The following EPHB1 variants were observed in gnomAD, a reference collection of about 807,000 sequenced individuals.
EPHB1 encodes the protein ephrin type-B receptor 1.
Under a neutral mutation model 94.4 loss-of-function variants are expected in EPHB1, and 30 were observed. The ratio of observed to expected loss-of-function variants is 0.32; its 90% CI spans 0.24 to 0.43. EPHB1 has a LOEUF of 0.43. Among genes scored for constraint, EPHB1 ranks in the 20% least tolerant of loss-of-function variants. EPHB1 has a pLI of 1.00. For missense variants in EPHB1, 1,055 were observed against 1,308.3 expected (o/e 0.81, Z 2.99); for synonymous variants, 522 against 489.1 (o/e 1.07, Z -0.89).
At chr3:135,161,211 C>T (rs965352341) in intron 6 of EPHB1, among the ~76,000 whole-genome samples, 4 of 152,094 alleles carry the variant, frequency 2.6e-5, no homozygotes, top group African/African-American at 7.2e-5. Flanking sequence ...CTCTGCACAT[C>T]AGAGGACCCA....
At position 134,896,593 on chromosome 3, in the gene EPHB1, G is replaced by C. The variant is rs147751994; in HGVS notation, c.59-29223G>C. ...TGATGATTTCCTCTGCCAAGGGCCT[G>C]CTCCTTCATCGATGGCCCCACTAAG... On this transcript the variant is annotated intron_variant, in intron 1 of 15. Transcript: ENST00000398015. Among the ~76,000 whole-genome samples, 162 of 152,320 alleles carry C rather than the reference G, an allele frequency of 1.1e-3. 1 individual carries two copies. Among genetic ancestry groups the C allele is most frequent in the African/African-American group, 3.7e-3 (155 of 41,566 alleles).
intron 3 of EPHB1, among the ~76,000 whole-genome samples, chr3:135,065,982 TC>T (rs1937575658): frequency 6.6e-6 from 1 of 152,212 alleles, no homozygotes; most frequent in South Asian, 2.1e-4. Flanking sequence ...GATACAAAAT[TC>T]TTGGGTGATA....
intron 3 of EPHB1, among the ~76,000 whole-genome samples, chr3:134,992,040 C>CT (rs368141172): frequency 7.2e-5 from 11 of 152,056 alleles, no homozygotes. Context: ...TCAGCCCCCA[C>CT]TTTTTTTTAG....
At position 134,994,828 on chromosome 3, in the gene EPHB1, A is replaced by G. The variant is rs373542727; in HGVS notation, c.805+42776A>G. Among the ~76,000 whole-genome samples the G allele has an allele frequency of 1.2e-3, 188 of 152,350 alleles. 2 individuals are homozygous for G. Among genetic ancestry groups the G allele is most frequent in the African/African-American group, 4.4e-3 (183 of 41,578 alleles). On this transcript the variant is annotated intron_variant, in intron 3 of 15. Transcript: ENST00000398015. Reference sequence around the variant, plus strand: ...TTTATTGAGATAATTATGTATTCTCACGAAGTTTTAAGAAATATTAAGAAA... The same window carrying G: ...TTTATTGAGATAATTATGTATTCTCGCGAAGTTTTAAGAAATATTAAGAAA...
At chr3:134,924,322 A>G (rs1355253171) in intron 1 of EPHB1, among the ~76,000 whole-genome samples, 3 of 152,226 alleles carry the variant, frequency 2.0e-5, no homozygotes, top group Non-Finnish European at 4.4e-5. Context: ...ACAGACTGGG[A>G]GAAAATATTT....
intron 1 of EPHB1, among the ~76,000 whole-genome samples, chr3:134,839,246 A>C (rs2036733435): frequency 6.6e-6 from 1 of 152,118 alleles, no homozygotes; most frequent in African/African-American, 2.4e-5. Flanking sequence ...GCAGAGTCCT[A>C]AGTGTGCATA....
At chr3:135,152,292 C>T (rs1402322840) in intron 5 of EPHB1, among the ~76,000 whole-genome samples, 2 of 152,168 alleles carry the variant, frequency 1.3e-5, no homozygotes, top group African/African-American at 2.4e-5. Flanking sequence ...AAGAAGATAA[C>T]TTTCAAATAA....
intron 3 of EPHB1, among the ~76,000 whole-genome samples, chr3:135,026,585 G>A (rs1410384082): frequency 5.7e-5 from 8 of 141,208 alleles, no homozygotes; most frequent in Admixed American, 5.7e-4. Flanking sequence ...CTCTGTTTTG[G>A]TACCAGTACC....
At chr3:134,963,173 CCTTCCTTCCTT>C (rs1933596410) in intron 3 of EPHB1, among the ~76,000 whole-genome samples, 1 of 138,704 alleles carries the variant, frequency 7.2e-6, no homozygotes. Context: ...TTCCTTCCTT[CCTTCCTTCCTT>C]CTTCCTTCTT....
chr3:135,222,054 A>C (rs1158277533), intron 12 of EPHB1, among the ~76,000 whole-genome samples: 1 of 152,248 alleles, frequency 6.6e-6, no homozygotes, highest in Non-Finnish European at 1.5e-5. Flanking sequence ...CAAAGAGCAC[A>C]AGCTTGGATA....
intron 1 of EPHB1, among the ~76,000 whole-genome samples, chr3:134,843,584 T>C (rs2036815134): frequency 6.6e-6 from 1 of 152,120 alleles, no homozygotes; most frequent in South Asian, 2.1e-4. Context: ...AATCTTCTTC[T>C]CTGTTCTTTG....
chr3:135,105,889 A>G (rs1017437373), intron 3 of EPHB1, among the ~76,000 whole-genome samples: 2 of 152,208 alleles, frequency 1.3e-5, no homozygotes, highest in African/African-American at 2.4e-5. Context: ...TTAAAGAATC[A>G]CTTATGAATT....
chr3:135,207,447 T>TGG (rs10662148), intron 12 of EPHB1, among the ~76,000 whole-genome samples: 116,229 of 144,490 alleles, frequency 0.8, 44,557 homozygotes, highest in South Asian at 0.85. Flanking sequence ...GGCCACAAGC[T>TGG]GGGGACATAA....
At position 134,997,789 on chromosome 3, in the gene EPHB1, A is replaced by G. The variant is rs192227322; in HGVS notation, c.805+45737A>G. ...TCCTGAAAAAGCAAACAGTTTCCTG[A>G]ATTTTTCTTCTCAATTCTGCAGTAT... On this transcript the variant is annotated intron_variant, in intron 3 of 15. Coordinates refer to ENST00000398015, the MANE Select transcript of EPHB1 (RefSeq NM_004441.5). 3.9e-5 allele frequency among the ~76,000 whole-genome samples: 6 copies of G among 152,270 alleles called. No individual in the cohort carries two copies. The East Asian group carries it at 9.7e-4, about 25-fold the overall frequency.
At chr3:135,152,687 A>C (rs2107694483) in intron 5 of EPHB1, among the ~76,000 whole-genome samples, 1 of 152,262 alleles carries the variant, frequency 6.6e-6, no homozygotes, top group South Asian at 2.1e-4. Context: ...TCTGATTGGA[A>C]GTTGCCCATC....
intron 15 of EPHB1, among the ~76,000 whole-genome samples, chr3:135,257,783 T>A (rs1185796805): frequency 6.6e-6 from 1 of 151,938 alleles, no homozygotes. Flanking sequence ...TAAGCAAGCC[T>A]GGGCAATGGT....
intron 15 of EPHB1, among the ~76,000 whole-genome samples, chr3:135,255,132 T>TATCA (rs1933317811): frequency 6.6e-6 from 1 of 152,188 alleles, no homozygotes. Flanking sequence ...GCTAGCGGTC[T>TATCA]ATCAATTTTG....
chr3:135,214,131 A>G (rs935938132), intron 12 of EPHB1, among the ~76,000 whole-genome samples: 2 of 151,926 alleles, frequency 1.3e-5, no homozygotes, highest in Admixed American at 6.6e-5. Flanking sequence ...TTCTCATGTC[A>G]GCTGATGTTC....
At chr3:135,112,251 A>C (rs1939476958) in intron 4 of EPHB1, among the ~76,000 whole-genome samples, 1 of 152,188 alleles carries the variant, frequency 6.6e-6, no homozygotes, top group Non-Finnish European at 1.5e-5. Flanking sequence ...GACCAAGAGG[A>C]AAACTCTGAG....
Sources: allele counts gnomAD v4.1 joint callset (sites outside exome capture counted in the v4.1 genomes callset), GRCh38; gene constraint gnomAD v4.1.1; transcripts MANE v1.5; gene names NCBI Gene and HGNC (gene_info 2026-07-23, HGNC 2026-07-21).